Variants in ZC3H12B observed in about 807,000 individuals in gnomAD.
The protein encoded by ZC3H12B is zinc finger CCCH-type containing 12B, also known as probable ribonuclease ZC3H12B.
A neutral mutation model predicts 43.9 loss-of-function variants in ZC3H12B; 7 were observed. That is an observed-to-expected ratio of 0.16 (90% CI 0.09 to 0.30). The LOEUF (loss-of-function observed/expected upper bound fraction) is 0.30, where lower values mean the gene tolerates loss of function less well. Among genes scored for constraint, ZC3H12B ranks in the 10% least tolerant of loss-of-function variants. ZC3H12B has a pLI of 1.00. For missense variants in ZC3H12B, 475 were observed against 670.2 expected (o/e 0.71, Z 3.22); for synonymous variants, 222 against 241.7 (o/e 0.92, Z 0.76).
the ZC3H12B span, among the ~76,000 whole-genome samples, chrX:65,224,358 T>C: frequency 8.9e-6 from 1 of 112,352 alleles, no homozygotes; most frequent in Admixed American, 9.4e-5. Flanking sequence ...GCTTGGGTGA[T>C]GGGTTCCCCA....
chrX:65,164,065 C>G, the ZC3H12B span, among the ~76,000 whole-genome samples: 2 of 111,810 alleles, frequency 1.8e-5, no homozygotes, highest in African/African-American at 3.3e-5. Context: ...CACTGAAAAC[C>G]ACAGGTGTTG....
At chrX:65,192,916 G>C in the ZC3H12B span, among the ~76,000 whole-genome samples, 1 of 110,409 alleles carries the variant, frequency 9.1e-6, no homozygotes, top group Non-Finnish European at 1.9e-5. Context: ...TGGGACTACA[G>C]GTGCGTGCCA....
chrX:65,157,503 T>C, the ZC3H12B span, among the ~76,000 whole-genome samples: 1 of 111,989 alleles, frequency 8.9e-6, no homozygotes, highest in African/African-American at 3.2e-5. Flanking sequence ...GGTTTGCCAT[T>C]AATATAGCTA....
intron 2 of ZC3H12B, among the ~76,000 whole-genome samples, chrX:65,378,359 G>C (rs1035140727): frequency 1.8e-5 from 2 of 111,174 alleles, no homozygotes; most frequent in Admixed American, 1.9e-4. Flanking sequence ...CTTTATTCTT[G>C]TTTGTTTAGA....
At chrX:65,210,906 C>A in the ZC3H12B span, among the ~76,000 whole-genome samples, 1 of 46,750 alleles carries the variant, frequency 2.1e-5, no homozygotes, top group Admixed American at 2.7e-4. Context: ...ATATCACACT[C>A]TGGGGACTGT....
the ZC3H12B span, among the ~76,000 whole-genome samples, chrX:65,114,393 T>C: frequency 9.1e-6 from 1 of 110,371 alleles, no homozygotes; most frequent in East Asian, 2.9e-4. Context: ...TTGGGAGTTT[T>C]AAAATTATGA....
chrX:65,227,566 A>G, the ZC3H12B span, among the ~76,000 whole-genome samples: 11 of 111,590 alleles, frequency 9.9e-5, no homozygotes, highest in Non-Finnish European at 1.9e-4. Context: ...GACACAAAAA[A>G]CCCTTCAAAA....
chrX:65,474,916 G>C (rs2067972672), intron 3 of ZC3H12B, among the ~76,000 whole-genome samples: 1 of 112,270 alleles, frequency 8.9e-6, no homozygotes, highest in African/African-American at 3.2e-5. Context: ...CTCTTCCTTT[G>C]CTGTTTGATG....
chrX:65,314,568 T>C, the ZC3H12B span, among the ~76,000 whole-genome samples: 1 of 112,212 alleles, frequency 8.9e-6, no homozygotes, highest in African/African-American at 3.2e-5. Flanking sequence ...TCTTCAGGAA[T>C]GAAAGTGAAA....
chrX:65,297,210 C>A, the ZC3H12B span, among the ~76,000 whole-genome samples: 1 of 110,797 alleles, frequency 9.0e-6, no homozygotes, highest in Non-Finnish European at 1.9e-5. Context: ...GTCAAACTGT[C>A]ACTTTTCGCC....
chrX:65,119,368 T>A, the ZC3H12B span, among the ~76,000 whole-genome samples: 105 of 112,087 alleles, frequency 9.4e-4, no homozygotes, highest in African/African-American at 3.1e-3. Flanking sequence ...GGTATCTCAT[T>A]GTGGTTTTGA....
At chrX:65,430,968 T>C (rs1276128607) in intron 3 of ZC3H12B, among the ~76,000 whole-genome samples, 3 of 112,008 alleles carry the variant, frequency 2.7e-5, no homozygotes, top group Non-Finnish European at 5.6e-5. Context: ...TTTGTTCCTC[T>C]CCATGAGTGC....
chrX:65,106,687 G>C, the ZC3H12B span, among the ~76,000 whole-genome samples: 1 of 111,081 alleles, frequency 9.0e-6, no homozygotes, highest in African/African-American at 3.3e-5. Flanking sequence ...AGCCTGGAGA[G>C]ATAACAAGGA....
chrX:65,461,757 A>T (rs2067751946), intron 3 of ZC3H12B, among the ~76,000 whole-genome samples: 1 of 111,474 alleles, frequency 9.0e-6, no homozygotes, highest in Admixed American at 9.6e-5. Flanking sequence ...ATGTTAAGTG[A>T]TGTGTTAATG....
chrX:65,501,703 C>A lies in ZC3H12B; in HGVS notation c.1091-86C>A, dbSNP rs1335402940. On this transcript the variant is annotated intron_variant, in intron 4 of 4. Coordinates refer to ENST00000338957, the Ensembl canonical transcript of ZC3H12B. ...TTACCCCAAACAGTAAAACCCTAAC[C>A]TGAGTGACCAGATTGTTACAACAGT... is the stretch of plus-strand genomic sequence containing the variant. The A allele has an allele frequency of 5.1e-6, 5 of 971,909 alleles. No individual in the cohort carries two copies. The East Asian group carries it at 1.7e-4, about 33-fold the overall frequency. 80.1% of individuals were successfully genotyped at this position (971,909 alleles called of 1,213,427 possible). A position where few individuals can be genotyped will look rare whatever the true frequency, so the allele number is the denominator to read the frequency against.
the ZC3H12B span, among the ~76,000 whole-genome samples, chrX:65,091,282 G>A: frequency 8.9e-6 from 1 of 111,848 alleles, no homozygotes; most frequent in Non-Finnish European, 1.9e-5. Context: ...GGAATGCAAG[G>A]AATGCAGCTC....
chrX:65,190,661 T>C, the ZC3H12B span, among the ~76,000 whole-genome samples: 6 of 109,815 alleles, frequency 5.5e-5, no homozygotes, highest in African/African-American at 2.0e-4. Context: ...ATCCTGAGAC[T>C]TTGCTGAAGT....
At chrX:65,240,533 T>A in the ZC3H12B span, among the ~76,000 whole-genome samples, 1 of 111,903 alleles carries the variant, frequency 8.9e-6, no homozygotes, top group Non-Finnish European at 1.9e-5. Flanking sequence ...CTCAGCAGTT[T>A]GTTATTACTT....
chrX:65,164,179 G>A, the ZC3H12B span, among the ~76,000 whole-genome samples: 1 of 111,290 alleles, frequency 9.0e-6, no homozygotes, highest in African/African-American at 3.3e-5. Flanking sequence ...GTTTTTCAAG[G>A]ACATTTTGGT....
Sources: allele counts gnomAD v4.1 joint callset (sites outside exome capture counted in the v4.1 genomes callset), GRCh38; gene constraint gnomAD v4.1.1; transcripts MANE v1.5; gene names NCBI Gene and HGNC (gene_info 2026-07-23, HGNC 2026-07-21).